Variants in SERGEF observed in about 807,000 individuals in gnomAD.
SERGEF encodes the protein secretion-regulating guanine nucleotide exchange factor.
SERGEF carries 51 observed loss-of-function variants against 50.0 expected under a neutral mutation model. The observed-to-expected ratio is 1.02, with a 90% CI of 0.81 to 1.29. The LOEUF (loss-of-function observed/expected upper bound fraction) is 1.29, where lower values mean the gene tolerates loss of function less well. SERGEF is among the 50% of genes most tolerant of loss of function. SERGEF has a pLI of 0.00. For synonymous variants in SERGEF, 205 were observed against 212.4 expected, an observed-to-expected ratio of 0.97 and a Z score of 0.30; for missense variants, 521 against 557.0, an observed-to-expected ratio of 0.94 and a Z score of 0.65.
chr11:17,890,639 T>G (rs559103367), intron 9 of SERGEF, among the ~76,000 whole-genome samples: 1 of 152,140 alleles, frequency 6.6e-6, no homozygotes, highest in Non-Finnish European at 1.5e-5. Context: ...CAGACTGGTC[T>G]CAAACCCCTG....
chr11:17,905,223 C>T (rs955878631), intron 9 of SERGEF, among the ~76,000 whole-genome samples: 8 of 152,072 alleles, frequency 5.3e-5, no homozygotes, highest in Admixed American at 1.3e-4. Flanking sequence ...TCTTCAAAAG[C>T]GAAAGAGATG....
intron 8 of SERGEF, among the ~76,000 whole-genome samples, chr11:17,986,737 G>C (rs1034967050): frequency 2.0e-5 from 3 of 152,364 alleles, no homozygotes; most frequent in Admixed American, 1.3e-4. Context: ...TTAATGTACT[G>C]CAATTCTTGG....
At chr11:17,972,853 A>G (rs1853279811) in intron 8 of SERGEF, among the ~76,000 whole-genome samples, 1 of 152,112 alleles carries the variant, frequency 6.6e-6, no homozygotes, top group Non-Finnish European at 1.5e-5. Flanking sequence ...GGGAGGCCCA[A>G]GGGCTGGGTA....
chr11:17,895,146 C>T (rs1459155698), intron 9 of SERGEF, among the ~76,000 whole-genome samples: 3 of 152,188 alleles, frequency 2.0e-5, no homozygotes, highest in South Asian at 4.1e-4. Context: ...GGCACAAACA[C>T]GTGAACATGG....
intron 10 of SERGEF, among the ~76,000 whole-genome samples, chr11:17,818,156 G>A (rs1176150100): frequency 6.6e-6 from 1 of 152,098 alleles, no homozygotes; most frequent in African/African-American, 2.4e-5. Flanking sequence ...AGGCATAAGT[G>A]AACTTACTTG....
chr11:17,789,592 C>T (rs1849445909), intron 10 of SERGEF, among the ~76,000 whole-genome samples: 1 of 152,032 alleles, frequency 6.6e-6, no homozygotes, highest in Non-Finnish European at 1.5e-5. Flanking sequence ...ATCTTCTGGA[C>T]ATAAAAATAA....
intron 10 of SERGEF, among the ~76,000 whole-genome samples, chr11:17,801,034 A>T (rs1849659185): frequency 6.6e-6 from 1 of 151,986 alleles, no homozygotes; most frequent in Non-Finnish European, 1.5e-5. Context: ...TCTCTACTAA[A>T]AATACAAAAA....
chr11:18,004,552 C>T lies in SERGEF; in HGVS notation c.353-17G>A. The T allele has an allele frequency of 6.4e-7, 1 of 1,563,290 alleles. No individual in the cohort carries two copies. The highest frequency in any genetic ancestry group is 8.8e-7 in the Non-Finnish European group (1 of 1,138,220). ...GACCATTTTCTGCAAAATACAAATA[C>T]TTAAATTGCAAATCTATGAAGTAAG... On this transcript the variant is annotated splice_polypyrimidine_tract_variant and intron_variant, in intron 3 of 10. Transcript: ENST00000265965.
At chr11:17,932,674 A>G (rs1389818710) in intron 9 of SERGEF, among the ~76,000 whole-genome samples, 1 of 152,136 alleles carries the variant, frequency 6.6e-6, no homozygotes, top group Admixed American at 6.6e-5. Flanking sequence ...AGGTGGTGAA[A>G]TCAACCCAGC....
chr11:17,876,334 C>T (rs1851235288), intron 10 of SERGEF, among the ~76,000 whole-genome samples: 1 of 152,186 alleles, frequency 6.6e-6, no homozygotes, highest in Non-Finnish European at 1.5e-5. Context: ...CTCTGATGGC[C>T]TCCACACAGG....
At chr11:17,870,988 T>C (rs1383675163) in intron 10 of SERGEF, among the ~76,000 whole-genome samples, 1 of 152,136 alleles carries the variant, frequency 6.6e-6, no homozygotes, top group East Asian at 1.9e-4. Flanking sequence ...AAAATGAACT[T>C]TTCAATAAAT....
rs930080398 is a variant in SERGEF at position 17,998,462 on chromosome 11, T to C, written c.508+2035A>G. ...ATACATATATATATATATATATATA[T>C]ATATATATATATATATATATATATA... On this transcript the variant is annotated intron_variant, in intron 5 of 10. Transcript: ENST00000265965. Among the ~76,000 whole-genome samples, 9 of 68,410 alleles carry C rather than the reference T, an allele frequency of 1.3e-4. 1 individual carries two copies. Among genetic ancestry groups the C allele is most frequent in the Non-Finnish European group, 3.2e-4 (8 of 25,060 alleles). The allele number at this position is 68,410 out of a possible 152,430, so 44.9% of individuals were successfully genotyped here.
intron 9 of SERGEF, among the ~76,000 whole-genome samples, chr11:17,905,073 T>C (rs1203615561): frequency 2.0e-5 from 3 of 152,238 alleles, no homozygotes; most frequent in African/African-American, 7.2e-5. Context: ...AGTACATCTA[T>C]AAGAATATGG....
intron 1 of SERGEF, chr11:18,010,107 A>G: frequency 7.9e-7 from 1 of 1,259,864 alleles, no homozygotes; most frequent in Non-Finnish European, 1.0e-6. Context: ...ATGAGAAGTA[A>G]AATCTTTTAA....
chr11:17,801,194 C>CA (rs145154751), intron 10 of SERGEF, among the ~76,000 whole-genome samples: 48,555 of 131,872 alleles, frequency 0.37, 9,087 homozygotes, highest in South Asian at 0.45. Context: ...GACTCCGTCT[C>CA]AAAAAAAAAA....
Position 18,010,193 on chromosome 11 carries a change from T to A in SERGEF, c.61-2117A>T, listed in dbSNP as rs1484912196. Reference sequence around the variant, plus strand: ...TTACAACAAATACATATATACATACTTACATACATACATACATAATCCTTC... The same window carrying A: ...TTACAACAAATACATATATACATACATACATACATACATACATAATCCTTC... On this transcript the variant is annotated intron_variant, in intron 1 of 10. Coordinates refer to ENST00000265965, the MANE Select transcript of SERGEF (RefSeq NM_012139.4). The A allele has an allele frequency of 2.7e-5, 19 of 701,004 alleles. 1 individual carries two copies. Among genetic ancestry groups the A allele is most frequent in the South Asian group, 1.8e-4 (11 of 61,194 alleles). 43.4% of individuals were successfully genotyped at this position (701,004 alleles called of 1,614,324 possible).
chr11:17,880,445 C>A (rs530837100), intron 9 of SERGEF, among the ~76,000 whole-genome samples: 1 of 152,088 alleles, frequency 6.6e-6, no homozygotes, highest in Admixed American at 6.5e-5. Context: ...GACTAATATG[C>A]AGCCTCGGAA....
intron 8 of SERGEF, among the ~76,000 whole-genome samples, chr11:17,988,300 C>G (rs1380741470): frequency 6.6e-6 from 1 of 152,178 alleles, no homozygotes; most frequent in Non-Finnish European, 1.5e-5. Flanking sequence ...AACTTCCCAA[C>G]AAGCTGGACA....
chr11:17,860,656 G>A (rs1271035436), intron 10 of SERGEF, among the ~76,000 whole-genome samples: 1 of 152,076 alleles, frequency 6.6e-6, no homozygotes, highest in Admixed American at 6.6e-5. Flanking sequence ...ATAAACAAAA[G>A]GTAATCTAAT....
Sources: allele counts gnomAD v4.1 joint callset (sites outside exome capture counted in the v4.1 genomes callset), GRCh38; gene constraint gnomAD v4.1.1; transcripts MANE v1.5; gene names NCBI Gene and HGNC (gene_info 2026-07-23, HGNC 2026-07-21).